DDX27: variants seen among roughly 807,000 people sequenced by gnomAD.
DDX27 encodes probable ATP-dependent RNA helicase DDX27.
A neutral mutation model predicts 99.3 loss-of-function variants in DDX27; 42 were observed. The ratio of observed to expected loss-of-function variants is 0.42; its 90% CI spans 0.33 to 0.55. The LOEUF (loss-of-function observed/expected upper bound fraction) is 0.55, where lower values mean the gene tolerates loss of function less well. Among genes scored for constraint, DDX27 ranks in the 20% least tolerant of loss-of-function variants. The pLI is 0.07. For missense variants in DDX27, 798 were observed against 976.8 expected, an observed-to-expected ratio of 0.82 and a Z score of 2.44; for synonymous variants, 329 against 353.8, an observed-to-expected ratio of 0.93 and a Z score of 0.79.
chr20:49,239,174 C>T (rs377569385), intron 15 of DDX27, 62 bp from the exon 16 acceptor site: 40 of 1,556,604 alleles, frequency 2.6e-5, no homozygotes, highest in South Asian at 1.9e-4. Flanking sequence ...ATTTGCAGCC[C>T]GTGGCTTCCT....
chr20:49,221,201 C>T (rs956294900), intron 1 of DDX27, among the ~76,000 whole-genome samples: 3 of 152,182 alleles, frequency 2.0e-5, no homozygotes, highest in African/African-American at 7.2e-5. Flanking sequence ...ACCTTGTGAT[C>T]CACCCACCTC....
rs747588127 is a variant in DDX27 at position 49,219,514 on chromosome 20, G to A, written c.66G>A (p.Glu22=). 1.2e-6 allele frequency: 2 copies of A among 1,613,938 alleles called. No homozygotes were observed. Among genetic ancestry groups the A allele is most frequent in the Non-Finnish European group, 8.5e-7 (1 of 1,179,934 alleles). Residue 22 remains glutamate, a synonymous_variant, in exon 1 of 21, where the codon GAG becomes GAA. Transcript: ENST00000618172. ...GEDDEVPVEP[E]SDSGDEEEEG... is the part of the protein sequence containing the mutation. ...ATGACGAGGTGCCGGTGGAGCCCGA[G>A]TCTGACTCCGGGGACGAGGAAGAGG... is the stretch of plus-strand genomic sequence containing the variant.
At chr20:49,230,475 T>C in intron 9 of DDX27, 126 bp downstream of exon 9, 2 of 1,134,970 alleles carry the variant, frequency 1.8e-6, no homozygotes. Context: ...CGATACCAGA[T>C]CAGCCACTTG....
intron 4 of DDX27, 117 bp from the exon 5 acceptor site, chr20:49,224,828 G>A (rs1032456061): frequency 1.2e-5 from 13 of 1,094,938 alleles, no homozygotes; most frequent in Middle Eastern, 2.1e-4. Context: ...AAACAAGGTT[G>A]ACGATGGTCA....
chr20:49,220,829 C>T (rs184611481), intron 1 of DDX27, among the ~76,000 whole-genome samples: 4 of 151,196 alleles, frequency 2.6e-5, no homozygotes, highest in South Asian at 4.2e-4. Flanking sequence ...TTGCTAAAAA[C>T]AAAACAAAAC....
At position 49,242,225 on chromosome 20, in the gene DDX27, C is replaced by G; in HGVS notation, c.2116+19C>G. 1 of 1,613,320 alleles carries G rather than the reference C, an allele frequency of 6.2e-7. No homozygotes were observed. Among genetic ancestry groups the G allele is most frequent in the Non-Finnish European group, 8.5e-7 (1 of 1,179,722 alleles). ...GGTCCTGGTAGGTGAATGGGGAGCC[C>G]AAAGGAGCTTGTACAAGGTTTTCCC... On this transcript the variant is annotated intron_variant, in intron 18 of 20. Coordinates refer to ENST00000618172, the MANE Select transcript of DDX27 (RefSeq NM_017895.8).
At chr20:49,226,884 A>G (rs1979912081) in intron 7 of DDX27, among the ~76,000 whole-genome samples, 1 of 11,768 alleles carries the variant, frequency 8.5e-5, no homozygotes, top group African/African-American at 1.9e-4. Flanking sequence ...TTTTTTTGAG[A>G]CGGAGTCTCG....
chr20:49,240,478 AGTGCAGTG>A (rs1980441319), intron 16 of DDX27, among the ~76,000 whole-genome samples: 1 of 152,038 alleles, frequency 6.6e-6, no homozygotes, highest in African/African-American at 2.4e-5. Flanking sequence ...CTGAGGCTGG[AGTGCAGTG>A]GCGCAATCTC....
chr20:49,239,002 G>T lies in DDX27; in HGVS notation c.1741G>T (p.Ala581Ser). ...TGAGAAAATGGAGAAAGATGTGTAT[G>T]CAGTTCTGCAGCTAGAGGCGGAGGA... ...KIEKMEKDVY[A>S]VLQLEAEEKE... Residue 581 changes from alanine to serine, a missense_variant, in exon 15 of 21, where the codon GCA becomes TCA. Physicochemically the swap from Ala to Ser is moderately conservative, Grantham distance 99. Coordinates refer to ENST00000618172, the MANE Select transcript of DDX27 (RefSeq NM_017895.8). 1 of 1,614,172 alleles carries T rather than the reference G, an allele frequency of 6.2e-7. No individual in the cohort carries two copies. The highest frequency in any genetic ancestry group is 8.5e-7 in the Non-Finnish European group (1 of 1,180,028).
chr20:49,238,966 C>T lies in DDX27; in HGVS notation c.1705C>T (p.Arg569Trp), dbSNP rs772453511. Residue 569 changes from arginine (R) to tryptophan (W), a missense_variant, in exon 15 of 21, where the codon CGG becomes TGG. Around this residue, in one of 2 missense-constraint regions of DDX27, gnomAD observed 553 missense variants for 727.9 expected, o/e 0.76. Transcript: ENST00000618172. ...ILPQDVILKF[R>W]DKIEKMEKDV... ...CCATTGAGATGTCATCCTCAAATTC[C>T]GGGACAAGATTGAGAAAATGGAGAA... The T allele has an allele frequency of 1.9e-5, 30 of 1,613,494 alleles. No individual in the cohort carries two copies. Among genetic ancestry groups the T allele is most frequent in the South Asian group, 3.3e-5 (3 of 91,038 alleles).
intron 7 of DDX27, among the ~76,000 whole-genome samples, chr20:49,227,127 G>A (rs1278627155): frequency 6.6e-6 from 1 of 151,698 alleles, no homozygotes; most frequent in East Asian, 1.9e-4. Flanking sequence ...CTCCCAAAGT[G>A]CTGGGATTAC....
Position 49,243,859 on chromosome 20 carries a change from G to T in DDX27, c.*25G>T. ...GCTGTCGTGGCCTGAAGAAATTCAT[G>T]GGGGCAGCCCTTAAATCCCTTCCCT... On this transcript the variant is annotated 3_prime_UTR_variant, in exon 21 of 21. Coordinates refer to ENST00000618172, the MANE Select transcript of DDX27 (RefSeq NM_017895.8). 1 of 1,613,962 alleles carries T rather than the reference G, an allele frequency of 6.2e-7. No individual in the cohort carries two copies. Among genetic ancestry groups the T allele is most frequent in the Non-Finnish European group, 8.5e-7 (1 of 1,179,930 alleles).
intron 7 of DDX27, 68 bp from the exon 8 acceptor site, chr20:49,228,647 T>TG: frequency 7.2e-7 from 1 of 1,398,030 alleles, no homozygotes; most frequent in Non-Finnish European, 9.6e-7. Flanking sequence ...TTCTGTGCTC[T>TG]GGTGAAAACC....
chr20:49,234,106 A>C, intron 11 of DDX27: 1 of 180,286 alleles, frequency 5.5e-6, no homozygotes, highest in Non-Finnish European at 1.2e-5. Context: ...CGTACTTATT[A>C]TGTCCTTATT....
chr20:49,241,500 T>C (rs1207119919), intron 16 of DDX27, among the ~76,000 whole-genome samples: 1 of 148,966 alleles, frequency 6.7e-6, no homozygotes, highest in African/African-American at 2.5e-5. Context: ...TGAGGCAGGG[T>C]CTCGCTCTGT....
At chr20:49,233,059 T>C (rs939248960) in intron 9 of DDX27, among the ~76,000 whole-genome samples, 2 of 152,206 alleles carry the variant, frequency 1.3e-5, no homozygotes, top group African/African-American at 4.8e-5. Context: ...GAGAAGGTCC[T>C]AGTGCTTAGG....
intron 4 of DDX27, 85 bp from the exon 5 acceptor site, chr20:49,224,860 G>A (rs1291450923): frequency 1.4e-6 from 2 of 1,451,712 alleles, no homozygotes; most frequent in Admixed American, 3.6e-5. Flanking sequence ...CTGAAGTGTG[G>A]CATTGGCACT....
Position 49,243,616 on chromosome 20 carries a change from T to G in DDX27, c.2205-13T>G. 1 of 1,613,860 alleles carries G rather than the reference T, an allele frequency of 6.2e-7. No individual in the cohort carries two copies. Among genetic ancestry groups the G allele is most frequent in the South Asian group, 1.1e-5 (1 of 91,070 alleles). On this transcript the variant is annotated splice_polypyrimidine_tract_variant and intron_variant, in intron 19 of 20. Coordinates refer to ENST00000618172, the MANE Select transcript of DDX27 (RefSeq NM_017895.8). ...ACAGTTTGCTCATTTCAGCATGTCATCTTCTCTCACAGCCCTTCCTTTGAA... is the reference window on the plus strand; with the variant it reads ...ACAGTTTGCTCATTTCAGCATGTCAGCTTCTCTCACAGCCCTTCCTTTGAA...
At chr20:49,233,155 G>T in intron 9 of DDX27, 151 bp from the exon 10 acceptor site, 1 of 625,378 alleles carries the variant, frequency 1.6e-6, no homozygotes, top group Non-Finnish European at 2.8e-6. Flanking sequence ...GTGGCAAAAT[G>T]ATAATTCTTG....
Sources: gnomAD v4.1 joint callset for allele counts (sites outside exome capture counted in the v4.1 genomes callset) on GRCh38, gnomAD v4.1.1 for gene constraint, gnomAD v4.1.1 regional missense constraint, MANE v1.5 for transcripts, NCBI Gene and HGNC (gene_info 2026-07-23, HGNC 2026-07-21) for gene names.